Variants in CORO1C observed in about 807,000 individuals in gnomAD.
CORO1C encodes coronin-1C.
A neutral mutation model predicts 51.2 loss-of-function variants in CORO1C; 14 were observed. That is an observed-to-expected ratio of 0.27 (90% confidence interval 0.18 to 0.43). The LOEUF (loss-of-function observed/expected upper bound fraction) is 0.43. CORO1C is among the 20% of genes least tolerant of loss of function. The pLI is 1.00. For missense variants in CORO1C, 417 were observed against 607.8 expected (o/e 0.69, Z 3.30); for synonymous variants, 181 against 210.5 (o/e 0.86, Z 1.21).
chr12:108,698,650 G>A (rs1240507631), intron 2 of CORO1C, among the ~76,000 whole-genome samples: 3 of 152,218 alleles, frequency 2.0e-5, no homozygotes, highest in Non-Finnish European at 2.9e-5. Flanking sequence ...CAGGTGATCC[G>A]CCCGCCTCAG....
chr12:108,679,170 T>TAA (rs35452794), intron 2 of CORO1C, among the ~76,000 whole-genome samples: 89 of 106,726 alleles, frequency 8.3e-4, no homozygotes, highest in Middle Eastern at 4.7e-3. Flanking sequence ...TTTAAAAAGT[T>TAA]AAAAAAAAAA....
rs372562944 is a variant in CORO1C, at chr12:108,671,831, C to T, written c.318+6441G>A. Among the ~76,000 whole-genome samples the T allele has an allele frequency of 3.9e-5, 6 of 152,122 alleles. No individual in the cohort carries two copies. The South Asian group carries it at 1.2e-3, about 32-fold the overall frequency. ...AGGCTGTAGTACAGTGGCACGATCA[C>T]GGCTCAATGCAGCCTTGATCTTCCA... On this transcript the variant is annotated intron_variant, in intron 3 of 10. Transcript: ENST00000261401.
chr12:108,681,129 T>C (rs77251940), intron 2 of CORO1C, among the ~76,000 whole-genome samples: 7,022 of 152,202 alleles, frequency 0.046, 588 homozygotes, highest in African/African-American at 0.16. Context: ...GCCTCCTACA[T>C]AGCTGGAACT....
intron 8 of CORO1C, among the ~76,000 whole-genome samples, chr12:108,650,011 C>G (rs116874279): frequency 0.015 from 2,303 of 152,280 alleles, 29 homozygotes; most frequent in Non-Finnish European, 0.025. Flanking sequence ...CCATTGAAGA[C>G]AACCTGGCAG....
intron 1 of CORO1C, among the ~76,000 whole-genome samples, chr12:108,713,931 T>C (rs2035255799): frequency 6.6e-6 from 1 of 152,170 alleles, no homozygotes; most frequent in Admixed American, 6.6e-5. Context: ...CTACACTTTA[T>C]AAATATGAGT....
At chr12:108,689,041 A>G (rs1177449866) in intron 2 of CORO1C, among the ~76,000 whole-genome samples, 1 of 151,282 alleles carries the variant, frequency 6.6e-6, no homozygotes, top group African/African-American at 2.4e-5. Flanking sequence ...AGAAAAAAAA[A>G]AAAAAAAAAT....
At chr12:108,662,002 G>A in intron 4 of CORO1C, 27 bp downstream of exon 4, 1 of 1,613,830 alleles carries the variant, frequency 6.2e-7, no homozygotes. Flanking sequence ...GGAAGACAAG[G>A]GGAGGACCGC....
intron 4 of CORO1C, among the ~76,000 whole-genome samples, chr12:108,660,116 T>G (rs906925536): frequency 6.6e-6 from 1 of 152,106 alleles, no homozygotes; most frequent in South Asian, 2.1e-4. Context: ...TTAGAAAAAA[T>G]AGTCACTAAC....
chr12:108,678,636 A>G (rs2033996306), intron 2 of CORO1C, among the ~76,000 whole-genome samples: 1 of 152,086 alleles, frequency 6.6e-6, no homozygotes. Flanking sequence ...TAGCAGACAT[A>G]GCAAAAGAGA....
chr12:108,720,394 C>T (rs1043173259), intron 1 of CORO1C, among the ~76,000 whole-genome samples: 4 of 152,034 alleles, frequency 2.6e-5, no homozygotes, highest in Non-Finnish European at 5.9e-5. Context: ...ATTTGCTTTA[C>T]AAATAAAGCA....
At chr12:108,725,592 C>T (rs893445376) in intron 1 of CORO1C, among the ~76,000 whole-genome samples, 10 of 152,112 alleles carry the variant, frequency 6.6e-5, no homozygotes, top group African/African-American at 2.4e-4. Flanking sequence ...ACCCTCACGG[C>T]CTCAGTTCCC....
At position 108,659,896 on chromosome 12, in the gene CORO1C, C is replaced by T. The variant is rs182403800; in HGVS notation, c.449-977G>A. ...TCAAGTAGCTACATAGATTCAGAAACGGATTCTGAAAGAAGCCCACAATGT... is the reference window on the plus strand; with the variant it reads ...TCAAGTAGCTACATAGATTCAGAAATGGATTCTGAAAGAAGCCCACAATGT... On this transcript the variant is annotated intron_variant, in intron 4 of 10. Transcript: ENST00000261401. 2.1e-3 allele frequency among the ~76,000 whole-genome samples: 313 copies of T among 152,320 alleles called. 1 individual carries two copies. Among genetic ancestry groups the T allele is most frequent in the Non-Finnish European group, 3.7e-3 (255 of 68,030 alleles).
At chr12:108,696,305 G>GAGA (rs2034680043) in intron 2 of CORO1C, 1 of 152,062 alleles carries the variant, frequency 6.6e-6, no homozygotes, top group South Asian at 2.1e-4. Context: ...CTCCAGCCAA[G>GAGA]AGAATGTCAA....
intron 2 of CORO1C, among the ~76,000 whole-genome samples, chr12:108,699,567 G>A (rs144249408): frequency 2.3e-3 from 345 of 152,230 alleles, no homozygotes; most frequent in African/African-American, 7.9e-3. Context: ...TTCTCAGTTG[G>A]CTGCCATAAA....
chr12:108,682,904 T>A (rs2034171894), intron 2 of CORO1C, among the ~76,000 whole-genome samples: 1 of 152,222 alleles, frequency 6.6e-6, no homozygotes, highest in South Asian at 2.1e-4. Context: ...TATTTTAATT[T>A]ACTAAATAAT....
Position 108,731,478 on chromosome 12 carries a change from C to T in CORO1C, c.-55G>A, listed in dbSNP as rs931092015. Reference sequence around the variant, plus strand: ...GCCGCCGAAGTCCCCGCTGCAAAGCCGGGCGAAGCCTCCAACCGCTGCCGC... The same window carrying T: ...GCCGCCGAAGTCCCCGCTGCAAAGCTGGGCGAAGCCTCCAACCGCTGCCGC... On this transcript the variant is annotated 5_prime_UTR_variant, in exon 1 of 11. Transcript: ENST00000261401. This position sits in a 1 kb window ranked among gnomAD's most constrained non-coding sequence, Gnocchi z 5.2. 1 of 152,210 alleles carries T rather than the reference C, an allele frequency of 6.6e-6. No individual in the cohort carries two copies. Among genetic ancestry groups the T allele is most frequent in the Non-Finnish European group, 1.5e-5 (1 of 68,222 alleles). The allele number at this position is 152,210 out of a possible 1,614,324, so 9.4% of individuals were successfully genotyped here. A position where few individuals can be genotyped will look rare whatever the true frequency, so the allele number is the denominator to read the frequency against.
chr12:108,716,044 T>A (rs904607533), intron 1 of CORO1C, among the ~76,000 whole-genome samples: 11 of 133,222 alleles, frequency 8.3e-5, no homozygotes, highest in Non-Finnish European at 1.4e-4. Flanking sequence ...GGCAGGAGAA[T>A]CGCTTGAACC....
At chr12:108,662,222 G>GTGGATGGTCACTGTAAA in intron 3 of CORO1C, 64 bp from the exon 4 acceptor site, 2 of 1,404,862 alleles carry the variant, frequency 1.4e-6, no homozygotes, top group South Asian at 1.2e-5. Context: ...CACATTTACA[G>GTGGATGGTCACTGTAAA]TGACCATCCA....
intron 3 of CORO1C, among the ~76,000 whole-genome samples, chr12:108,669,263 A>T (rs1156913896): frequency 6.6e-6 from 1 of 152,226 alleles, no homozygotes; most frequent in African/African-American, 2.4e-5. Context: ...TAAGTAATAC[A>T]AAAAGCAGTT....
Sources: gnomAD v4.1 joint callset for allele counts (sites outside exome capture counted in the v4.1 genomes callset) on GRCh38, gnomAD v4.1.1 for gene constraint, Gnocchi (gnomAD v3.1) non-coding constraint, MANE v1.5 for transcripts, NCBI Gene and HGNC (gene_info 2026-07-23, HGNC 2026-07-21) for gene names.